Variants in SGCZ observed in about 807,000 individuals in gnomAD.
The protein encoded by SGCZ is sarcoglycan zeta.
In SGCZ, 40 loss-of-function variants were observed where a neutral mutation model predicts 41.3. The ratio of observed to expected loss-of-function variants is 0.97; its 90% CI spans 0.75 to 1.26. The LOEUF (loss-of-function observed/expected upper bound fraction) is 1.26. Among genes scored for constraint, SGCZ ranks in the 50% most tolerant of loss-of-function variants. The pLI, the probability that SGCZ is intolerant of heterozygous loss-of-function variation, is 0.00. For synonymous variants in SGCZ, 206 were observed against 137.5 expected (o/e 1.50, Z -3.49); for missense variants, 552 against 369.8 (o/e 1.49, Z -4.04).
At chr8:15,001,326 T>A (rs796663497) in intron 1 of SGCZ, among the ~76,000 whole-genome samples, 47 of 152,326 alleles carry the variant, frequency 3.1e-4, no homozygotes, top group African/African-American at 1.0e-3. Flanking sequence ...GTTGGATGCA[T>A]CAAGAGCTGC....
intron 1 of SGCZ, among the ~76,000 whole-genome samples, chr8:14,599,581 C>G (rs372054722): frequency 6.6e-6 from 1 of 152,270 alleles, no homozygotes; most frequent in South Asian, 2.1e-4. Context: ...CCTTCTTGTT[C>G]TCCTGGGAGA....
At chr8:14,576,945 T>G (rs989862994) in intron 1 of SGCZ, among the ~76,000 whole-genome samples, 1 of 152,214 alleles carries the variant, frequency 6.6e-6, no homozygotes, top group African/African-American at 2.4e-5. Flanking sequence ...GGACATTCAT[T>G]CAAAGAGTCT....
At chr8:14,925,219 G>A (rs768080795) in intron 1 of SGCZ, among the ~76,000 whole-genome samples, 3 of 152,214 alleles carry the variant, frequency 2.0e-5, no homozygotes, top group Non-Finnish European at 4.4e-5. Context: ...TAATGCATAC[G>A]TATACCACAA....
At chr8:14,157,858 T>A (rs1313750495) in intron 5 of SGCZ, among the ~76,000 whole-genome samples, 1 of 152,144 alleles carries the variant, frequency 6.6e-6, no homozygotes, top group Non-Finnish European at 1.5e-5. Context: ...ATATGAATAG[T>A]CTGATTTCCT....
chr8:14,333,296 A>G (rs1802401096), intron 2 of SGCZ, among the ~76,000 whole-genome samples: 2 of 152,128 alleles, frequency 1.3e-5, no homozygotes, highest in South Asian at 4.1e-4. Context: ...TTGATGGTAA[A>G]TGGAGACAAC....
At chr8:14,131,408 T>C (rs1803036744) in intron 5 of SGCZ, among the ~76,000 whole-genome samples, 1 of 152,184 alleles carries the variant, frequency 6.6e-6, no homozygotes, top group African/African-American at 2.4e-5. Flanking sequence ...TGACAAGTTG[T>C]TGTTGTTTTT....
intron 2 of SGCZ, among the ~76,000 whole-genome samples, chr8:14,394,961 G>C (rs992769848): frequency 3.9e-5 from 6 of 152,108 alleles, no homozygotes; most frequent in Non-Finnish European, 8.8e-5. Context: ...TTACTAGATG[G>C]TGACATGGAC....
chr8:15,170,837 A>C (rs981980001), intron 1 of SGCZ, among the ~76,000 whole-genome samples: 4 of 152,260 alleles, frequency 2.6e-5, no homozygotes, highest in African/African-American at 9.6e-5. Context: ...AAAATGAATG[A>C]AGAAGTAAGA....
At chr8:14,651,029 T>C (rs1416675549) in intron 1 of SGCZ, among the ~76,000 whole-genome samples, 1 of 152,044 alleles carries the variant, frequency 6.6e-6, no homozygotes, top group African/African-American at 2.4e-5. Flanking sequence ...TATCTAGTAG[T>C]TGTAATCATC....
rs375933147 is a variant in SGCZ at position 14,351,097 on chromosome 8, C to A, written c.235-26893G>T. Among the ~76,000 whole-genome samples, 4 of 152,136 alleles carry A rather than the reference C, an allele frequency of 2.6e-5. No homozygotes were observed. The South Asian group carries it at 8.3e-4, about 32-fold the overall frequency. ...ATTTTGTTTAGGTATGTATAACTTT[C>A]CTCTTCCTAATTTTCATTAATGCTG... On this transcript the variant is annotated intron_variant, in intron 2 of 7. Transcript: ENST00000382080.
intron 4 of SGCZ, among the ~76,000 whole-genome samples, chr8:14,176,565 T>A (rs1056924894): frequency 2.0e-5 from 3 of 152,124 alleles, no homozygotes; most frequent in African/African-American, 7.2e-5. Flanking sequence ...TAGTCCAACA[T>A]TTAAGTTGAG....
intron 5 of SGCZ, among the ~76,000 whole-genome samples, chr8:14,113,268 A>G (rs1009368114): frequency 7.9e-5 from 12 of 152,118 alleles, no homozygotes; most frequent in Non-Finnish European, 1.6e-4. Context: ...TACGTATAAA[A>G]TATCTTTACT....
chr8:14,099,174 T>C (rs1051244672), intron 7 of SGCZ, among the ~76,000 whole-genome samples: 9 of 152,210 alleles, frequency 5.9e-5, no homozygotes, highest in African/African-American at 2.2e-4. Flanking sequence ...CCTACCTAGA[T>C]TTGTGCAGCA....
chr8:14,685,823 C>A (rs1437249634), intron 1 of SGCZ, among the ~76,000 whole-genome samples: 1 of 152,082 alleles, frequency 6.6e-6, no homozygotes, highest in Non-Finnish European at 1.5e-5. Context: ...GTTAACAATT[C>A]TGTCAATAAA....
intron 1 of SGCZ, among the ~76,000 whole-genome samples, chr8:15,140,648 T>G (rs891761873): frequency 6.6e-6 from 1 of 152,208 alleles, no homozygotes; most frequent in African/African-American, 2.4e-5. Context: ...ATTTTATATT[T>G]ACTTTTTTGT....
At chr8:14,712,880 T>C (rs575237162) in intron 1 of SGCZ, among the ~76,000 whole-genome samples, 1 of 152,188 alleles carries the variant, frequency 6.6e-6, no homozygotes, top group Admixed American at 6.5e-5. Context: ...GGTCACATTT[T>C]GGCAATTCCA....
intron 1 of SGCZ, among the ~76,000 whole-genome samples, chr8:15,100,180 C>T (rs1806551145): frequency 6.6e-6 from 1 of 152,092 alleles, no homozygotes; most frequent in Admixed American, 6.6e-5. Flanking sequence ...TTTCGGATGA[C>T]TTGATTGTCT....
chr8:15,169,351 A>T (rs1799762104), intron 1 of SGCZ, among the ~76,000 whole-genome samples: 1 of 152,176 alleles, frequency 6.6e-6, no homozygotes, highest in African/African-American at 2.4e-5. Context: ...GGACGTTTGC[A>T]GGGGGAGGAG....
At chr8:14,645,635 G>A (rs1807189453) in intron 1 of SGCZ, among the ~76,000 whole-genome samples, 1 of 151,182 alleles carries the variant, frequency 6.6e-6, no homozygotes, top group Non-Finnish European at 1.5e-5. Flanking sequence ...TCCTATCTTG[G>A]AACACTTATA....
Sources: gnomAD v4.1 joint callset for allele counts (sites outside exome capture counted in the v4.1 genomes callset) on GRCh38, gnomAD v4.1.1 for gene constraint, MANE v1.5 for transcripts, NCBI Gene and HGNC (gene_info 2026-07-23, HGNC 2026-07-21) for gene names.